GYS2: variants seen among roughly 807,000 people sequenced by gnomAD.
GYS2 encodes glycogen [starch] synthase, liver.
In GYS2, 80 loss-of-function variants were observed where a neutral mutation model predicts 85.6. The observed-to-expected ratio is 0.93, with a 90% CI of 0.78 to 1.13. The LOEUF is 1.13. GYS2 is among the 50% of genes most tolerant of loss of function. The pLI is 0.00. For missense variants in GYS2, 881 were observed against 854.9 expected (o/e 1.03, Z -0.38); for synonymous variants, 328 against 300.7 (o/e 1.09, Z -0.94).
chr12:21,604,601 C>T lies in GYS2; in HGVS notation c.-9G>A. ...GATCGGCCTCGAAGCATTCTTCTTACAGTCCTCCGAGACTCCTTTGAATTC... is the reference window on the plus strand; with the variant it reads ...GATCGGCCTCGAAGCATTCTTCTTATAGTCCTCCGAGACTCCTTTGAATTC... On this transcript the variant is annotated 5_prime_UTR_variant, in exon 1 of 16. Transcript: ENST00000261195. 1 of 1,612,294 alleles carries T rather than the reference C, an allele frequency of 6.2e-7. No homozygotes were observed. The highest frequency in any genetic ancestry group is 8.5e-7 in the Non-Finnish European group (1 of 1,178,670).
At chr12:21,572,906 C>T (rs1429209956) in intron 4 of GYS2, among the ~76,000 whole-genome samples, 1 of 152,142 alleles carries the variant, frequency 6.6e-6, no homozygotes, top group Non-Finnish European at 1.5e-5. Flanking sequence ...AAGTGCACTC[C>T]TCTCCAGGAA....
chr12:21,598,547 C>T (rs1414215078), intron 1 of GYS2, among the ~76,000 whole-genome samples: 1 of 151,840 alleles, frequency 6.6e-6, no homozygotes, highest in African/African-American at 2.4e-5. Flanking sequence ...TATAGTTTAC[C>T]TCAGTTTTTA....
intron 4 of GYS2, among the ~76,000 whole-genome samples, chr12:21,570,019 A>G (rs997018609): frequency 6.6e-6 from 1 of 152,138 alleles, no homozygotes; most frequent in Non-Finnish European, 1.5e-5. Flanking sequence ...ATCTGTTTTT[A>G]TATCATTGAG....
intron 11 of GYS2, among the ~76,000 whole-genome samples, chr12:21,554,167 GA>G (rs35702051): frequency 5.9e-5 from 9 of 151,528 alleles, no homozygotes; most frequent in Non-Finnish European, 1.0e-4. Flanking sequence ...AGGAAGGAAG[GA>G]AGGAGGGAAG....
intron 1 of GYS2, among the ~76,000 whole-genome samples, chr12:21,591,855 GA>G (rs148049484): frequency 6.6e-6 from 1 of 151,788 alleles, no homozygotes; most frequent in East Asian, 1.9e-4. Flanking sequence ...AATAGTGAAA[GA>G]AAAAAATGAC....
At position 21,568,882 on chromosome 12, in the gene GYS2, A is replaced by G. The variant is rs759968632; in HGVS notation, c.806T>C (p.Met269Thr). The G allele has an allele frequency of 5.0e-6, 8 of 1,613,442 alleles. No homozygotes were observed. In the Admixed American group the frequency reaches 8.3e-5, roughly 17 times the overall value. The change falls in exon 5 of 16, where the codon ATG becomes ACG. Residue 269 changes from methionine (M) to threonine (T), a missense_variant. By Grantham distance (81) the Met-to-Thr change is moderately conservative (BLOSUM62 -1). Coordinates refer to ENST00000261195, the MANE Select transcript of GYS2 (RefSeq NM_021957.4). ...ATAATTACCAGGCTTTCTCTTCAGC[A>G]TATGTTCAGCTTCTATTGCTGTTAT... The part of the protein sequence containing the change: ...SEITAIEAEH[M>T]LKRKPDVVTP...
At chr12:21,566,109 G>C (rs1358322009) in intron 5 of GYS2, among the ~76,000 whole-genome samples, 1 of 151,970 alleles carries the variant, frequency 6.6e-6, no homozygotes, top group African/African-American at 2.4e-5. Context: ...AAACTATTTT[G>C]AGTCAAATTT....
At chr12:21,535,272 T>C (rs946451746), downstream of GYS2, among the ~76,000 whole-genome samples, 1 of 152,192 alleles carries the variant, frequency 6.6e-6, no homozygotes, top group Non-Finnish European at 1.5e-5. Context: ...CAATCGAGTA[T>C]CATTTGAATA....
At chr12:21,580,244 A>G in intron 2 of GYS2, 98 bp downstream of exon 2, 1 of 1,105,194 alleles carries the variant, frequency 9.0e-7, no homozygotes, top group South Asian at 1.2e-5. Context: ...GTTTTCCTTA[A>G]GTAAGTGAAT....
At chr12:21,596,711 A>G (rs1944700640) in intron 1 of GYS2, among the ~76,000 whole-genome samples, 1 of 152,170 alleles carries the variant, frequency 6.6e-6, no homozygotes, top group South Asian at 2.1e-4. Flanking sequence ...GCCCACTCTC[A>G]CCACTCCTCT....
intron 2 of GYS2, among the ~76,000 whole-genome samples, chr12:21,576,995 C>G (rs1285497451): frequency 6.6e-6 from 1 of 152,114 alleles, no homozygotes; most frequent in African/African-American, 2.4e-5. Flanking sequence ...CATATTGACA[C>G]TTATGACTCC....
At chr12:21,592,231 A>G (rs1350077057) in intron 1 of GYS2, among the ~76,000 whole-genome samples, 3 of 147,552 alleles carry the variant, frequency 2.0e-5, no homozygotes, top group African/African-American at 7.5e-5. Flanking sequence ...CAAACAAACT[A>G]AAAAAAAAAC....
chr12:21,580,215 C>T, intron 2 of GYS2, 127 bp downstream of exon 2: 1 of 864,946 alleles, frequency 1.2e-6, no homozygotes, highest in South Asian at 1.4e-5. Flanking sequence ...AGTTCATCAT[C>T]TTTCTCACAA....
At chr12:21,544,102 A>G (rs1220838979) in intron 12 of GYS2, among the ~76,000 whole-genome samples, 1 of 152,204 alleles carries the variant, frequency 6.6e-6, no homozygotes, top group African/African-American at 2.4e-5. Flanking sequence ...TGCTTTCTAG[A>G]GTGAGTTAAG....
intron 11 of GYS2, among the ~76,000 whole-genome samples, chr12:21,557,996 C>G (rs537606851): frequency 6.6e-6 from 1 of 152,252 alleles, no homozygotes; most frequent in East Asian, 1.9e-4. Context: ...TAGCTCAAAG[C>G]TATGAATATG....
intron 11 of GYS2, 46 bp from the exon 12 acceptor site, chr12:21,546,516 G>C: frequency 7.3e-7 from 1 of 1,375,006 alleles, no homozygotes; most frequent in Non-Finnish European, 1.0e-6. Flanking sequence ...AAAGGAGCAA[G>C]TAAAGTGAAA....
chr12:21,586,478 T>C lies in GYS2; in HGVS notation c.122-5955A>G, dbSNP rs546060840. Among the ~76,000 whole-genome samples, 4 of 152,092 alleles carry C rather than the reference T, an allele frequency of 2.6e-5. No homozygotes were observed. The South Asian group carries it at 8.3e-4, about 32-fold the overall frequency. On this transcript the variant is annotated intron_variant, in intron 1 of 15. Transcript: ENST00000261195. Reference sequence around the variant, plus strand: ...ATCTATCTATCTCCTATTAGTTCTGTCTCTCTAGGGAACCCTGACAAATAC... The same window carrying C: ...ATCTATCTATCTCCTATTAGTTCTGCCTCTCTAGGGAACCCTGACAAATAC...
chr12:21,545,485 G>A (rs1944027591), intron 12 of GYS2, among the ~76,000 whole-genome samples: 1 of 152,138 alleles, frequency 6.6e-6, no homozygotes, highest in South Asian at 2.1e-4. Context: ...TATTTACATT[G>A]GGCAGAAAAA....
intron 12 of GYS2, among the ~76,000 whole-genome samples, chr12:21,545,663 A>C (rs141729701): frequency 6.6e-6 from 1 of 152,220 alleles, no homozygotes; most frequent in Non-Finnish European, 1.5e-5. Context: ...AGAAAAATAC[A>C]TAGTAAACCT....
Sources: gnomAD v4.1 joint callset for allele counts (sites outside exome capture counted in the v4.1 genomes callset) on GRCh38, gnomAD v4.1.1 for gene constraint, MANE v1.5 for transcripts, NCBI Gene and HGNC (gene_info 2026-07-23, HGNC 2026-07-21) for gene names.